The following C12orf42 variants were observed in gnomAD, a reference collection of about 807,000 sequenced individuals.
C12orf42 encodes chromosome 12 open reading frame 42.
In C12orf42, 25 loss-of-function variants were observed where a neutral mutation model predicts 21.6. The ratio of observed to expected loss-of-function variants is 1.16; its 90% CI spans 0.84 to 1.62. The LOEUF is 1.62. Ranked by LOEUF, C12orf42 falls within the 40% of genes most tolerant of loss-of-function variation. The pLI is 0.00. For synonymous variants in C12orf42, 174 were observed against 175.0 expected, an observed-to-expected ratio of 0.99 and a Z score of 0.05; for missense variants, 483 against 459.3, an observed-to-expected ratio of 1.05 and a Z score of -0.47.
intron 1 of C12orf42, among the ~76,000 whole-genome samples, chr12:103,495,153 C>T (rs11111609): frequency 0.99 from 149,561 of 151,560 alleles, 73,802 homozygotes; most frequent in East Asian, 1. Flanking sequence ...GGCTGCAGAA[C>T]AGGGGTAAGG....
At chr12:103,068,181 T>C in the C12orf42 span, among the ~76,000 whole-genome samples, 1 of 152,256 alleles carries the variant, frequency 6.6e-6, no homozygotes, top group Non-Finnish European at 1.5e-5. Flanking sequence ...GCAATTGTCA[T>C]GAGTATTTCC....
intron 3 of C12orf42, among the ~76,000 whole-genome samples, chr12:103,383,288 G>A (rs1239451194): frequency 1.3e-5 from 2 of 152,048 alleles, no homozygotes; most frequent in Non-Finnish European, 2.9e-5. Flanking sequence ...ATTTTTAGTA[G>A]AGACAGGGTT....
chr12:103,217,018 T>C, the C12orf42 span, among the ~76,000 whole-genome samples: 4 of 152,036 alleles, frequency 2.6e-5, no homozygotes, highest in African/African-American at 9.7e-5. Context: ...CATTTTTGTA[T>C]TTTTAGTAGA....
intron 3 of C12orf42, among the ~76,000 whole-genome samples, chr12:103,375,188 G>A (rs2045592816): frequency 6.6e-6 from 1 of 151,990 alleles, no homozygotes; most frequent in Non-Finnish European, 1.5e-5. Flanking sequence ...AAAATTATAG[G>A]AAATGTCAGG....
the C12orf42 span, among the ~76,000 whole-genome samples, chr12:103,131,403 G>T: frequency 6.6e-6 from 1 of 152,098 alleles, no homozygotes; most frequent in South Asian, 2.1e-4. Flanking sequence ...GCAAGCTCTT[G>T]CTTTTTCAGC....
chr12:103,526,099 C>A, the C12orf42 span, among the ~76,000 whole-genome samples: 10 of 152,150 alleles, frequency 6.6e-5, no homozygotes, highest in African/African-American at 2.2e-4. Context: ...TGCAAGAAAC[C>A]AATCACCCAC....
the C12orf42 span, among the ~76,000 whole-genome samples, chr12:103,195,625 AT>A: frequency 8.0e-4 from 121 of 152,120 alleles, 1 homozygote; most frequent in African/African-American, 2.9e-3. Context: ...TCATTTGCCC[AT>A]TTTTTAATGG....
chr12:103,422,320 T>A (rs984551370), intron 2 of C12orf42, among the ~76,000 whole-genome samples: 9 of 152,210 alleles, frequency 5.9e-5, no homozygotes, highest in Admixed American at 5.9e-4. Flanking sequence ...TCCATTTTAC[T>A]GGGCCACACT....
chr12:103,068,931 C>CTCTCT, the C12orf42 span, among the ~76,000 whole-genome samples: 1 of 47,048 alleles, frequency 2.1e-5, no homozygotes, highest in Non-Finnish European at 4.2e-5. Flanking sequence ...ATCTCTCTCT[C>CTCTCT]CACATATATA....
At chr12:103,153,433 C>T in the C12orf42 span, among the ~76,000 whole-genome samples, 1 of 151,978 alleles carries the variant, frequency 6.6e-6, no homozygotes, top group South Asian at 2.1e-4. Flanking sequence ...ATATATTCAA[C>T]AAATAACTCA....
At chr12:103,520,532 A>C in the C12orf42 span, among the ~76,000 whole-genome samples, 1 of 148,988 alleles carries the variant, frequency 6.7e-6, no homozygotes, top group South Asian at 2.1e-4. Context: ...CCTAACAACA[A>C]CAACAACAAC....
downstream of C12orf42, among the ~76,000 whole-genome samples, chr12:103,234,870 ACTTT>A (rs1432492482): frequency 6.6e-6 from 1 of 152,144 alleles, no homozygotes; most frequent in African/African-American, 2.4e-5. Flanking sequence ...TCATGAACAT[ACTTT>A]CTTTCTCCTA....
intron 2 of C12orf42, among the ~76,000 whole-genome samples, chr12:103,403,795 C>T (rs529956814): frequency 9.8e-5 from 15 of 152,300 alleles, no homozygotes; most frequent in East Asian, 1.9e-4. Context: ...TTCACACATC[C>T]GGTGTCTTCC....
chr12:103,210,855 G>A, the C12orf42 span, among the ~76,000 whole-genome samples: 7 of 151,622 alleles, frequency 4.6e-5, no homozygotes, highest in South Asian at 4.2e-4. Context: ...GCTGGGTGTG[G>A]TGGCATGTGC....
the C12orf42 span, among the ~76,000 whole-genome samples, chr12:103,095,088 T>G: frequency 6.6e-6 from 1 of 152,214 alleles, no homozygotes; most frequent in Admixed American, 6.5e-5. Flanking sequence ...CCACCTCTGC[T>G]GCTACTCTGT....
At chr12:103,277,627 C>T (rs572471769) in intron 4 of C12orf42, among the ~76,000 whole-genome samples, 1,817 of 144,726 alleles carry the variant, frequency 0.013, 36 homozygotes, top group African/African-American at 0.037. Context: ...TTTTCTTTTT[C>T]TTTTTTTTTT....
intron 4 of C12orf42, among the ~76,000 whole-genome samples, chr12:103,282,700 G>T (rs1383063687): frequency 6.6e-6 from 1 of 152,158 alleles, no homozygotes; most frequent in Non-Finnish European, 1.5e-5. Context: ...ATGGAAAAAA[G>T]CGATGAGGAC....
intron 2 of C12orf42, 79 bp from the exon 3 acceptor site, chr12:103,401,754 T>G (rs2048021131): frequency 3.7e-6 from 5 of 1,355,302 alleles, no homozygotes; most frequent in Non-Finnish European, 5.2e-6. Flanking sequence ...GAGATGGTTT[T>G]TAGGCAGATC....
intron 5 of C12orf42, among the ~76,000 whole-genome samples, chr12:103,305,417 T>C (rs914737143): frequency 6.6e-6 from 1 of 152,188 alleles, no homozygotes; most frequent in Non-Finnish European, 1.5e-5. Context: ...TTGTCATTTT[T>C]TACAGATGAA....
Sources: gnomAD v4.1 joint callset for allele counts (sites outside exome capture counted in the v4.1 genomes callset) on GRCh38, gnomAD v4.1.1 for gene constraint, MANE v1.5 for transcripts, NCBI Gene and HGNC (gene_info 2026-07-23, HGNC 2026-07-21) for gene names.